The following DEPTOR variants were observed in gnomAD, a reference collection of about 807,000 sequenced individuals.
DEPTOR encodes DEP domain-containing mTOR-interacting protein.
In DEPTOR, 41 loss-of-function variants were observed where a neutral mutation model predicts 41.6. The observed-to-expected ratio is 0.98, with a 90% CI of 0.77 to 1.28. The LOEUF is 1.28. Ranked by LOEUF, DEPTOR falls within the 50% of genes most tolerant of loss-of-function variation. The pLI is 0.00. For synonymous variants in DEPTOR, 195 were observed against 192.3 expected (o/e 1.01, Z -0.12); for missense variants, 514 against 527.9 (o/e 0.97, Z 0.26).
intron 8 of DEPTOR, among the ~76,000 whole-genome samples, chr8:120,014,524 G>A (rs59461885): frequency 6.6e-6 from 1 of 152,046 alleles, no homozygotes; most frequent in Non-Finnish European, 1.5e-5. Context: ...CCTTCCCCAA[G>A]CTATTTTTTT....
At chr8:120,042,834 AT>A (rs1325813470) in intron 8 of DEPTOR, among the ~76,000 whole-genome samples, 7 of 151,376 alleles carry the variant, frequency 4.6e-5, no homozygotes, top group African/African-American at 1.2e-4. Context: ...TTTTATTTTT[AT>A]TTTTTTAATT....
At chr8:119,878,504 CT>C (rs1827257285) in intron 1 of DEPTOR, among the ~76,000 whole-genome samples, 1 of 147,862 alleles carries the variant, frequency 6.8e-6, no homozygotes, top group Non-Finnish European at 1.5e-5. Flanking sequence ...TGTGTGTGTG[CT>C]TTTAGTAGAG....
At chr8:119,991,094 TTCTTTC>T (rs1563584704) in intron 4 of DEPTOR, among the ~76,000 whole-genome samples, 12 of 120,632 alleles carry the variant, frequency 9.9e-5, no homozygotes, top group African/African-American at 3.9e-4. Flanking sequence ...TTCTTTTTCT[TTCTTTC>T]TTTCTTTCTT....
Position 119,929,846 on chromosome 8 carries a change from C to T in DEPTOR, c.333C>T (p.Val111=). Residue 111 remains valine (V), a synonymous_variant, in exon 3 of 9, where the codon GTC becomes GTT. Coordinates refer to ENST00000286234, the MANE Select transcript of DEPTOR (RefSeq NM_022783.4). The part of the protein sequence containing the change: ...VCDEHKEFKD[V]KLFYRFRKDD... ...ATGAGCATAAGGAATTCAAGGATGT[C>T]AAACTCTTCTACCGCTTTAGAAAGG... 4 of 1,613,474 alleles carry T rather than the reference C, an allele frequency of 2.5e-6. No homozygotes were observed. The highest frequency in any genetic ancestry group is 3.4e-6 in the Non-Finnish European group (4 of 1,179,600).
At chr8:119,918,180 C>T (rs1586613993) in intron 1 of DEPTOR, among the ~76,000 whole-genome samples, 2 of 152,222 alleles carry the variant, frequency 1.3e-5, no homozygotes, top group East Asian at 3.9e-4. Context: ...TACTTTGTCT[C>T]TGTGTCTCTT....
Position 119,979,464 on chromosome 8 carries a change from T to C in DEPTOR, c.604+14054T>C, listed in dbSNP as rs991789109. The stretch of plus-strand genomic sequence containing the variant: ...TTTTCATAGAGACAGGGTTTTGCAA[T>C]GTTGCCCAGGCTGGCCTCCAACTCC... On this transcript the variant is annotated intron_variant, in intron 4 of 8. Coordinates refer to ENST00000286234, the MANE Select transcript of DEPTOR (RefSeq NM_022783.4). Among the ~76,000 whole-genome samples the C allele has an allele frequency of 3.3e-5, 5 of 152,072 alleles. No individual in the cohort carries two copies. In the South Asian group the frequency reaches 6.2e-4, roughly 19 times the overall value.
At chr8:120,018,526 C>T (rs1218468611) in intron 8 of DEPTOR, among the ~76,000 whole-genome samples, 1 of 152,132 alleles carries the variant, frequency 6.6e-6, no homozygotes. Flanking sequence ...TTGCCGTGAA[C>T]CAAGATCACG....
intron 4 of DEPTOR, among the ~76,000 whole-genome samples, chr8:119,986,506 TG>T (rs1159919075): frequency 6.6e-6 from 1 of 152,114 alleles, no homozygotes; most frequent in Non-Finnish European, 1.5e-5. Context: ...TTATGTGTCT[TG>T]GGGTTGCTCT....
intron 8 of DEPTOR, among the ~76,000 whole-genome samples, chr8:120,009,700 G>T (rs897802606): frequency 6.6e-6 from 1 of 152,096 alleles, no homozygotes; most frequent in Non-Finnish European, 1.5e-5. Context: ...TCATTATTTG[G>T]TGCCATGTGT....
chr8:119,902,385 G>C (rs552173743), intron 1 of DEPTOR, among the ~76,000 whole-genome samples: 1 of 152,152 alleles, frequency 6.6e-6, no homozygotes, highest in Non-Finnish European at 1.5e-5. Context: ...TCTCACCCAA[G>C]CTGGAGTGCA....
intron 1 of DEPTOR, among the ~76,000 whole-genome samples, chr8:119,927,922 C>T (rs1475284179): frequency 6.6e-6 from 1 of 151,988 alleles, no homozygotes; most frequent in Non-Finnish European, 1.5e-5. Context: ...TCTGTAGTGC[C>T]TAGAAGTACC....
At chr8:119,941,189 C>T (rs1186580787) in intron 3 of DEPTOR, among the ~76,000 whole-genome samples, 1 of 151,904 alleles carries the variant, frequency 6.6e-6, no homozygotes, top group Non-Finnish European at 1.5e-5. Flanking sequence ...GCCTGACCAA[C>T]ATGGTGAAAC....
At chr8:119,903,493 C>G (rs1228007247) in intron 1 of DEPTOR, among the ~76,000 whole-genome samples, 1 of 152,198 alleles carries the variant, frequency 6.6e-6, no homozygotes, top group Non-Finnish European at 1.5e-5. Flanking sequence ...GGTTGATTAA[C>G]ATACCATCTT....
intron 3 of DEPTOR, among the ~76,000 whole-genome samples, chr8:119,948,402 ACT>A (rs1402649428): frequency 6.6e-6 from 1 of 152,156 alleles, no homozygotes; most frequent in East Asian, 1.9e-4. Context: ...GCAGAGTGAG[ACT>A]CTGTCTCAAA....
chr8:120,024,061 C>T (rs1369982902), intron 8 of DEPTOR, among the ~76,000 whole-genome samples: 1 of 152,062 alleles, frequency 6.6e-6, no homozygotes, highest in East Asian at 1.9e-4. Context: ...CATGGCAAAA[C>T]CCTATCTGTA....
intron 3 of DEPTOR, among the ~76,000 whole-genome samples, chr8:119,956,740 G>GTTTTTTTTTTTTTTTTTTTTTT (rs71571641): frequency 1.1e-5 from 1 of 92,006 alleles, no homozygotes; most frequent in Non-Finnish European, 2.0e-5. Flanking sequence ...TTTTTTTTTT[G>GTTTTTTTTTTTTTTTTTTTTTT]TTTTTTTTTT....
At chr8:120,024,979 A>G (rs758401963) in intron 8 of DEPTOR, among the ~76,000 whole-genome samples, 4 of 152,148 alleles carry the variant, frequency 2.6e-5, no homozygotes, top group Non-Finnish European at 4.4e-5. Context: ...AACATCCTTC[A>G]ACAAGTATTT....
chr8:119,908,434 A>G (rs1011800329), intron 1 of DEPTOR, among the ~76,000 whole-genome samples: 2 of 151,390 alleles, frequency 1.3e-5, no homozygotes, highest in Non-Finnish European at 2.9e-5. Context: ...ACAAAAAATG[A>G]AAAAAAAAAT....
At chr8:119,880,224 A>G (rs1586595284) in intron 1 of DEPTOR, among the ~76,000 whole-genome samples, 1 of 152,186 alleles carries the variant, frequency 6.6e-6, no homozygotes, top group East Asian at 1.9e-4. Flanking sequence ...CTTTCTAGCA[A>G]TGGTAGCAAT....
Sources: gnomAD v4.1 joint callset for allele counts (sites outside exome capture counted in the v4.1 genomes callset) on GRCh38, gnomAD v4.1.1 for gene constraint, MANE v1.5 for transcripts, NCBI Gene and HGNC (gene_info 2026-07-23, HGNC 2026-07-21) for gene names.